The following KIAA0586 variants were observed in gnomAD, a reference collection of about 807,000 sequenced individuals.
KIAA0586 encodes the protein KIAA0586.
KIAA0586 carries 144 observed loss-of-function variants against 169.8 expected under a neutral mutation model. That is an observed-to-expected ratio of 0.85 (90% CI 0.74 to 0.97). KIAA0586 has a LOEUF of 0.97. Among genes scored for constraint, KIAA0586 ranks in the 50% least tolerant of loss-of-function variants. The probability of loss-of-function intolerance (pLI) is 0.00; values close to 1 mark genes in which losing one functional copy is unlikely to be tolerated. For missense variants in KIAA0586, 1,854 were observed against 1,823.0 expected (o/e 1.02, Z -0.31); for synonymous variants, 625 against 612.4 (o/e 1.02, Z -0.30).
chr14:58,537,730 A>C (rs1053291678), intron 29 of KIAA0586, among the ~76,000 whole-genome samples: 7 of 151,892 alleles, frequency 4.6e-5, no homozygotes, highest in South Asian at 2.1e-4. Flanking sequence ...TCACTGCAAG[A>C]TCAGCCTCCC....
At chr14:58,526,000 G>T (rs560637094) in intron 29 of KIAA0586, among the ~76,000 whole-genome samples, 2 of 152,352 alleles carry the variant, frequency 1.3e-5, no homozygotes, top group East Asian at 3.9e-4. Flanking sequence ...TAGCCAGACT[G>T]CCTCTGTAGA....
At chr14:58,517,384 A>T (rs2044841969) in intron 29 of KIAA0586, among the ~76,000 whole-genome samples, 1 of 152,228 alleles carries the variant, frequency 6.6e-6, no homozygotes, top group Non-Finnish European at 1.5e-5. Flanking sequence ...ATTGTTCAAC[A>T]TCATTAGTAA....
At chr14:58,487,191 G>C (rs754292670) in intron 22 of KIAA0586, 25 bp downstream of exon 22, 1 of 1,580,326 alleles carries the variant, frequency 6.3e-7, no homozygotes, top group Non-Finnish European at 8.6e-7. Flanking sequence ...TCTATAACTC[G>C]GTTTTAATTT....
In KIAA0586 at chr14:58,450,565, A is replaced by C. The variant is rs200528557; in HGVS notation, c.962-14A>C. The C allele has an allele frequency of 5.8e-6, 9 of 1,556,200 alleles. 1 individual carries two copies. The highest frequency in any genetic ancestry group is 2.2e-5 in the East Asian group (1 of 44,566). On this transcript the variant is annotated splice_polypyrimidine_tract_variant and intron_variant, in intron 7 of 30. Transcript: ENST00000652326. ...TAAAAGCAAGTTAAGTTTTTAAAAA[A>C]TTTTCTGTTAAAGCACCTTTAAAAG... is the stretch of plus-strand genomic sequence containing the variant.
the KIAA0586 span, among the ~76,000 whole-genome samples, chr14:58,560,439 T>G: frequency 6.6e-6 from 1 of 152,228 alleles, no homozygotes; most frequent in Non-Finnish European, 1.5e-5. Flanking sequence ...TCAGCTGAAG[T>G]GCATTTTGAC....
chr14:58,522,648 AAAAC>A (rs2045305690), intron 29 of KIAA0586, among the ~76,000 whole-genome samples: 1 of 152,236 alleles, frequency 6.6e-6, no homozygotes, highest in Non-Finnish European at 1.5e-5. Context: ...AACCAGGAAA[AAAAC>A]AAAAAAAGAG....
At chr14:58,438,932 T>C (rs983824552) in intron 4 of KIAA0586, among the ~76,000 whole-genome samples, 13 of 152,030 alleles carry the variant, frequency 8.6e-5, no homozygotes, top group African/African-American at 3.1e-4. Flanking sequence ...AAGGAATAAT[T>C]TTAGATTTTT....
intron 12 of KIAA0586, 31 bp from the exon 13 acceptor site, chr14:58,459,812 T>G: frequency 8.3e-7 from 1 of 1,201,058 alleles, no homozygotes; most frequent in South Asian, 1.5e-5. Flanking sequence ...TTGTAGACAT[T>G]TTAAGTAATT....
intron 27 of KIAA0586, among the ~76,000 whole-genome samples, chr14:58,505,971 G>C (rs1217658713): frequency 6.6e-6 from 1 of 151,990 alleles, no homozygotes; most frequent in African/African-American, 2.4e-5. Flanking sequence ...TTGCTATACT[G>C]TAGGAAAAAG....
intron 29 of KIAA0586, among the ~76,000 whole-genome samples, chr14:58,529,428 C>T (rs938482286): frequency 2.6e-5 from 4 of 152,128 alleles, no homozygotes; most frequent in African/African-American, 7.2e-5. Context: ...GGCCAGTATC[C>T]GTGATGATCA....
intron 6 of KIAA0586, among the ~76,000 whole-genome samples, chr14:58,447,928 A>G (rs576067127): frequency 6.6e-6 from 1 of 152,328 alleles, no homozygotes; most frequent in South Asian, 2.1e-4. Flanking sequence ...CTTGACCTCA[A>G]ACAAAATCCT....
chr14:58,537,937 G>A (rs184492329), intron 29 of KIAA0586, among the ~76,000 whole-genome samples: 49 of 152,186 alleles, frequency 3.2e-4, no homozygotes, highest in African/African-American at 1.1e-3. Context: ...GTGAGCCACC[G>A]CGCCTGGCCC....
intron 20 of KIAA0586, among the ~76,000 whole-genome samples, chr14:58,478,623 C>T (rs970142986): frequency 6.6e-6 from 1 of 152,140 alleles, no homozygotes; most frequent in Admixed American, 6.5e-5. Context: ...TGAGTCACCG[C>T]ACCTGGCCCA....
At chr14:58,483,578 A>G (rs2042179218) in intron 21 of KIAA0586, among the ~76,000 whole-genome samples, 1 of 152,108 alleles carries the variant, frequency 6.6e-6, no homozygotes, top group Non-Finnish European at 1.5e-5. Context: ...TTTTTTTTAA[A>G]TCAAGATATA....
At chr14:58,471,395 C>T (rs1399693107) in intron 17 of KIAA0586, among the ~76,000 whole-genome samples, 2 of 152,086 alleles carry the variant, frequency 1.3e-5, no homozygotes, top group Non-Finnish European at 2.9e-5. Flanking sequence ...ACCTTGTTAT[C>T]CCACTGTTGA....
At chr14:58,525,509 A>C (rs889322071) in intron 29 of KIAA0586, among the ~76,000 whole-genome samples, 4 of 152,144 alleles carry the variant, frequency 2.6e-5, no homozygotes, top group Admixed American at 6.5e-5. Context: ...CTGTGCCGTG[A>C]GAAACGGTGC....
chr14:58,486,447 T>G (rs1459022996), intron 21 of KIAA0586, among the ~76,000 whole-genome samples: 2 of 152,106 alleles, frequency 1.3e-5, no homozygotes, highest in Non-Finnish European at 2.9e-5. Context: ...ATAATGATCC[T>G]TAGGGTATAT....
intron 29 of KIAA0586, among the ~76,000 whole-genome samples, chr14:58,526,636 C>G (rs1037983021): frequency 3.3e-5 from 5 of 152,118 alleles, no homozygotes; most frequent in Admixed American, 1.3e-4. Context: ...TTCCCAAAAC[C>G]AGAACACCTC....
Position 58,453,340 on chromosome 14 carries a change from T to C in KIAA0586, c.1130-10T>C. ...ATTTGGAAAATGATACTATATCTCT[T>C]CTATTTCAGGAAATGTAAGACTATT... On this transcript the variant is annotated splice_polypyrimidine_tract_variant and intron_variant, in intron 8 of 30. Transcript: ENST00000652326. The C allele has an allele frequency of 8.1e-7, 1 of 1,228,754 alleles. No individual in the cohort carries two copies. The highest frequency in any genetic ancestry group is 2.8e-5 in the Admixed American group (1 of 35,134). The allele number at this position is 1,228,754 out of a possible 1,614,324, so 76.1% of individuals were successfully genotyped here. A position where few individuals can be genotyped will look rare whatever the true frequency, so the allele number is the denominator to read the frequency against.
Sources: allele counts gnomAD v4.1 joint callset (sites outside exome capture counted in the v4.1 genomes callset), GRCh38; gene constraint gnomAD v4.1.1; transcripts MANE v1.5; gene names NCBI Gene and HGNC (gene_info 2026-07-23, HGNC 2026-07-21).